TBATA: variants seen among roughly 807,000 people sequenced by gnomAD.
TBATA encodes the protein thymus, brain and testes associated, also known as protein TBATA.
TBATA carries 47 observed loss-of-function variants against 38.7 expected under a neutral mutation model. The observed-to-expected ratio is 1.21, with a 90% CI of 0.96 to 1.55. The LOEUF (loss-of-function observed/expected upper bound fraction) is 1.55, where lower values mean the gene tolerates loss of function less well. Ranked by LOEUF, TBATA falls within the 40% of genes most tolerant of loss-of-function variation. TBATA has a pLI of 0.00. For synonymous variants in TBATA, 183 were observed against 170.5 expected (o/e 1.07, Z -0.57); for missense variants, 436 against 435.6 (o/e 1.00, Z -0.01).
At chr10:70,772,350 ATAAATATTTGT>A (rs3832689) in intron 10 of TBATA, 153 bp downstream of exon 10, 174,891 of 795,790 alleles carry the variant, frequency 0.22, 22,147 homozygotes, top group East Asian at 0.55. Flanking sequence ...TGGGTGCTCG[ATAAATATTTGT>A]TAAAGAATGA....
chr10:70,784,469 T>A (rs1312819625), intron 2 of TBATA, among the ~76,000 whole-genome samples, 178 bp downstream of exon 2: 1 of 152,156 alleles, frequency 6.6e-6, no homozygotes, highest in Non-Finnish European at 1.5e-5. Flanking sequence ...GGACAGGACA[T>A]CAGTGCATTC....
At chr10:70,783,853 G>A (rs191640702) in intron 2 of TBATA, among the ~76,000 whole-genome samples, 1 of 152,230 alleles carries the variant, frequency 6.6e-6, no homozygotes, top group Non-Finnish European at 1.5e-5. Flanking sequence ...TTGGTTTTGC[G>A]ATGTTATATT....
chr10:70,780,469 C>T (rs1258102168), intron 4 of TBATA, among the ~76,000 whole-genome samples: 1 of 152,034 alleles, frequency 6.6e-6, no homozygotes, highest in Non-Finnish European at 1.5e-5. Context: ...TCTTCTCAAC[C>T]TCTTAATCCT....
intron 10 of TBATA, among the ~76,000 whole-genome samples, 200 bp from the exon 11 acceptor site, chr10:70,771,661 T>C (rs1306727134): frequency 6.6e-6 from 1 of 152,158 alleles, no homozygotes; most frequent in African/African-American, 2.4e-5. Flanking sequence ...TCTTTCAACA[T>C]CCAAGTAACA....
chr10:70,775,502 G>T (rs1260717645), intron 7 of TBATA, among the ~76,000 whole-genome samples: 1 of 152,188 alleles, frequency 6.6e-6, no homozygotes, highest in Non-Finnish European at 1.5e-5. Context: ...TAATCTTCCT[G>T]CTGGACGGGT....
chr10:70,778,274 G>C (rs1243292667), intron 6 of TBATA, among the ~76,000 whole-genome samples: 1 of 151,882 alleles, frequency 6.6e-6, no homozygotes, highest in Non-Finnish European at 1.5e-5. Flanking sequence ...GCCAGCTTTT[G>C]AGCTGCTGTG....
chr10:70,783,582 C>T, intron 2 of TBATA, 57 bp from the exon 3 acceptor site: 2 of 545,232 alleles, frequency 3.7e-6, no homozygotes, highest in South Asian at 2.1e-5. Flanking sequence ...TGCTGTATCA[C>T]CCAGCAATTT....
chr10:70,774,581 G>C (rs1396174369), intron 8 of TBATA, among the ~76,000 whole-genome samples: 1 of 152,112 alleles, frequency 6.6e-6, no homozygotes, highest in Non-Finnish European at 1.5e-5. Context: ...TGTACGCCTT[G>C]TTCTTGGCCC....
rs141986602 is a variant in TBATA, at chr10:70,779,663, T to C, written c.357A>G (p.Gln119=). 9 of 1,533,696 alleles carry C rather than the reference T, an allele frequency of 5.9e-6. No individual in the cohort carries two copies. The African/African-American group carries it at 1.2e-4, about 20-fold the overall frequency. Residue 119 remains glutamine (Q), a synonymous_variant, in exon 5 of 11, where the codon CAA becomes CAG. Coordinates refer to ENST00000456372, the MANE Select transcript of TBATA (RefSeq NM_001318241.2). ...GGACAGAGATGGTGGGTATCCCCATTTGACAGCCGGAAAAGACAGTTGACT... is the reference window on the plus strand; with the variant it reads ...GGACAGAGATGGTGGGTATCCCCATCTGACAGCCGGAAAAGACAGTTGACT... ...LPESTVFSGC[Q]MGIPTISVPI...
rs1282014007 is a variant in TBATA at position 70,777,277 on chromosome 10, C to T, written c.569G>A (p.Gly190Glu). The T allele has an allele frequency of 6.2e-7, 1 of 1,613,790 alleles. No homozygotes were observed. The highest frequency in any genetic ancestry group is 2.2e-5 in the East Asian group (1 of 44,880). ...EQGAKYSAET[G>E]RLIPASTRAV... is the part of the protein sequence containing the mutation. ...CCGGGTGGAAGCGGGGATGAGCCTC[C>T]CAGTCTCTGCTGAGTACTTTGCCCC... Residue 190 changes from glycine to glutamate, a missense_variant, in exon 7 of 11, where the codon GGG becomes GAG. Gly to Glu is a moderately conservative substitution (Grantham distance 98, BLOSUM62 -2). Transcript: ENST00000456372.
At chr10:70,779,395 C>T (rs4747101) in intron 5 of TBATA, among the ~76,000 whole-genome samples, 198 bp downstream of exon 5, 44,694 of 152,112 alleles carry the variant, frequency 0.29, 6,635 homozygotes, top group Middle Eastern at 0.36. Context: ...TGCATTTCTG[C>T]TGGCTAGGAC....
intron 6 of TBATA, 25 bp from the exon 7 acceptor site, chr10:70,777,363 C>A: frequency 6.2e-7 from 1 of 1,604,584 alleles, no homozygotes; most frequent in Non-Finnish European, 8.5e-7. Flanking sequence ...GCCAGAGACT[C>A]CAGGCAGTCA....
At chr10:70,777,484 G>C in intron 6 of TBATA, 146 bp from the exon 7 acceptor site, 1 of 751,286 alleles carries the variant, frequency 1.3e-6, no homozygotes, top group East Asian at 2.7e-5. Context: ...CAGGGTCCCA[G>C]GGTATCATCC....
In TBATA at chr10:70,781,976, G is replaced by C; in HGVS notation, c.102C>G (p.Asp34Glu). 5.0e-6 allele frequency: 8 copies of C among 1,614,270 alleles called. No homozygotes were observed. Among genetic ancestry groups the C allele is most frequent in the Non-Finnish European group, 6.8e-6 (8 of 1,180,050 alleles). Reference sequence around the variant, plus strand: ...TCACCAGTTCTTTCTGTGGCCCACTGTCCCTGGGGCTCCTTGGCTTGCGCC... The same window carrying C: ...TCACCAGTTCTTTCTGTGGCCCACTCTCCCTGGGGCTCCTTGGCTTGCGCC... ...KSGRKPRSPRDSGPQKELVIP... is the reference protein window; with the variant it reads ...KSGRKPRSPRESGPQKELVIP... The change falls in exon 4 of 11, where the codon GAC becomes GAG. Residue 34 changes from aspartate (D) to glutamate (E), a missense_variant. Coordinates refer to ENST00000456372, the MANE Select transcript of TBATA (RefSeq NM_001318241.2).
chr10:70,774,700 T>A (rs953563769), intron 8 of TBATA, among the ~76,000 whole-genome samples: 1 of 152,140 alleles, frequency 6.6e-6, no homozygotes, highest in Admixed American at 6.5e-5. Context: ...GGAAGTCTTC[T>A]CCAATTAGCT....
intron 5 of TBATA, among the ~76,000 whole-genome samples, chr10:70,779,116 C>G (rs1589403359): frequency 6.6e-6 from 1 of 152,216 alleles, no homozygotes. Context: ...GCCCCAGCCC[C>G]TTCTCCAGGA....
At chr10:70,784,148 A>G (rs1051633879) in intron 2 of TBATA, among the ~76,000 whole-genome samples, 3 of 152,222 alleles carry the variant, frequency 2.0e-5, no homozygotes, top group Admixed American at 2.0e-4. Context: ...AAGCAAAATG[A>G]TCATGAACAT....
intron 10 of TBATA, 119 bp downstream of exon 10, chr10:70,772,395 T>A (rs897719259): frequency 2.1e-6 from 2 of 944,668 alleles, no homozygotes; most frequent in South Asian, 2.6e-5. Flanking sequence ...AATGAATAGA[T>A]GAAATGAGCA....
chr10:70,774,555 C>CT (rs1304309039), intron 8 of TBATA, among the ~76,000 whole-genome samples, 198 bp from the exon 9 acceptor site: 3 of 152,154 alleles, frequency 2.0e-5, no homozygotes, highest in Admixed American at 6.5e-5. Context: ...CATCCCTGTC[C>CT]TGCCACATGA....
Sources: gnomAD v4.1 joint callset for allele counts (sites outside exome capture counted in the v4.1 genomes callset) on GRCh38, gnomAD v4.1.1 for gene constraint, MANE v1.5 for transcripts, NCBI Gene and HGNC (gene_info 2026-07-23, HGNC 2026-07-21) for gene names.